The following NEK7 variants were observed in gnomAD, a reference collection of about 807,000 sequenced individuals.
NEK7 encodes serine/threonine-protein kinase Nek7.
A neutral mutation model predicts 44.6 loss-of-function variants in NEK7; 18 were observed. The ratio of observed to expected loss-of-function variants is 0.40; its 90% CI spans 0.28 to 0.60. The LOEUF (loss-of-function observed/expected upper bound fraction) is 0.60. Among genes scored for constraint, NEK7 ranks in the 20% least tolerant of loss-of-function variants. NEK7 has a pLI of 0.38. For synonymous variants in NEK7, 130 were observed against 121.1 expected (o/e 1.07, Z -0.48); for missense variants, 256 against 366.5 (o/e 0.70, Z 2.46).
At chr1:198,291,916 AGTCTTGTT>A (rs1654569967) in intron 7 of NEK7, among the ~76,000 whole-genome samples, 2 of 152,074 alleles carry the variant, frequency 1.3e-5, no homozygotes, top group Non-Finnish European at 2.9e-5. Flanking sequence ...ACCCCTATTC[AGTCTTGTT>A]AGTCTTATTT....
chr1:198,226,706 G>A (rs114118969), intron 1 of NEK7, among the ~76,000 whole-genome samples: 3,780 of 150,276 alleles, frequency 0.025, 71 homozygotes, highest in African/African-American at 0.048. Flanking sequence ...ATATTGGGGT[G>A]CCTCAGGGCT....
intron 5 of NEK7, among the ~76,000 whole-genome samples, chr1:198,271,777 A>G (rs999607695): frequency 5.9e-5 from 9 of 151,730 alleles, no homozygotes; most frequent in Admixed American, 2.0e-4. Flanking sequence ...TTTGTATGAG[A>G]TCATCACCTG....
At chr1:198,294,487 A>G (rs1307748353) in intron 8 of NEK7, among the ~76,000 whole-genome samples, 1 of 152,128 alleles carries the variant, frequency 6.6e-6, no homozygotes, top group Non-Finnish European at 1.5e-5. Context: ...ATTCTCTTCA[A>G]ATCCCTAAAA....
intron 9 of NEK7, among the ~76,000 whole-genome samples, chr1:198,316,253 ATT>A (rs1655365074): frequency 6.6e-6 from 1 of 152,210 alleles, no homozygotes; most frequent in East Asian, 1.9e-4. Context: ...GTGTGCTTAC[ATT>A]TCTGATGTGA....
chr1:198,273,199 A>T (rs1056172336), intron 5 of NEK7, among the ~76,000 whole-genome samples: 1 of 151,802 alleles, frequency 6.6e-6, no homozygotes, highest in African/African-American at 2.4e-5. Context: ...AAGTATTCTC[A>T]GTGATCTCAT....
intron 1 of NEK7, among the ~76,000 whole-genome samples, chr1:198,158,974 A>C (rs1664006843): frequency 6.6e-6 from 1 of 152,066 alleles, no homozygotes; most frequent in Non-Finnish European, 1.5e-5. Flanking sequence ...AGGCCTGCGA[A>C]ATAAAAAGGC....
intron 1 of NEK7, among the ~76,000 whole-genome samples, chr1:198,226,481 G>A (rs1331934806): frequency 1.3e-5 from 2 of 151,082 alleles, no homozygotes; most frequent in South Asian, 2.1e-4. Context: ...GGAGGCAGAG[G>A]TTGCAGTGAG....
chr1:198,243,851 G>A (rs540862220), intron 2 of NEK7, among the ~76,000 whole-genome samples: 4 of 152,056 alleles, frequency 2.6e-5, no homozygotes, highest in East Asian at 3.9e-4. Context: ...TTTCAAATAG[G>A]AAGAAACACG....
intron 9 of NEK7, among the ~76,000 whole-genome samples, chr1:198,311,968 G>A (rs575073175): frequency 1.0e-3 from 152 of 152,254 alleles, no homozygotes; most frequent in African/African-American, 3.1e-3. Flanking sequence ...GAGTTAGGGA[G>A]GATTCTCTCT....
At chr1:198,290,175 G>A (rs1232189001) in intron 7 of NEK7, among the ~76,000 whole-genome samples, 7 of 152,158 alleles carry the variant, frequency 4.6e-5, no homozygotes, top group Non-Finnish European at 1.0e-4. Context: ...TGAAAGATAA[G>A]TGGAATTACA....
chr1:198,253,030 T>G lies in NEK7; in HGVS notation c.58-10T>G, dbSNP rs1653126469. Reference sequence around the variant, plus strand: ...GTGATTGAAAATTTTTCTGACATTTTTAATTACAGAAGGCCTTACGACCGG... The same window carrying G: ...GTGATTGAAAATTTTTCTGACATTTGTAATTACAGAAGGCCTTACGACCGG... On this transcript the variant is annotated splice_polypyrimidine_tract_variant and intron_variant, in intron 2 of 9. Transcript: ENST00000367385. 1.3e-6 allele frequency: 2 copies of G among 1,594,924 alleles called. No homozygotes were observed. Among genetic ancestry groups the G allele is most frequent in the Non-Finnish European group, 1.7e-6 (2 of 1,171,524 alleles).
intron 1 of NEK7, among the ~76,000 whole-genome samples, chr1:198,200,187 C>A (rs2102789801): frequency 6.6e-6 from 1 of 152,220 alleles, no homozygotes; most frequent in East Asian, 1.9e-4. Flanking sequence ...TTATAGATTT[C>A]AGATTTCTGA....
intron 3 of NEK7, among the ~76,000 whole-genome samples, chr1:198,257,211 T>C (rs1653297054): frequency 6.6e-6 from 1 of 152,230 alleles, no homozygotes; most frequent in African/African-American, 2.4e-5. Flanking sequence ...CATAAAGTGA[T>C]AATATTGTTC....
At chr1:198,193,930 C>T (rs1212330827) in intron 1 of NEK7, among the ~76,000 whole-genome samples, 1 of 152,184 alleles carries the variant, frequency 6.6e-6, no homozygotes, top group Non-Finnish European at 1.5e-5. Context: ...CCCTCTCTCA[C>T]CACTCCTATT....
chr1:198,213,979 TA>T (rs1207444221), intron 1 of NEK7, among the ~76,000 whole-genome samples: 1 of 152,162 alleles, frequency 6.6e-6, no homozygotes, highest in African/African-American at 2.4e-5. Context: ...AGACCTCTGC[TA>T]TTCTGGCCCC....
intron 9 of NEK7, among the ~76,000 whole-genome samples, chr1:198,312,837 C>CT (rs1316412018): frequency 6.6e-6 from 1 of 151,936 alleles, no homozygotes; most frequent in Non-Finnish European, 1.5e-5. Context: ...TTTACATTTG[C>CT]TGAGGAGAGC....
intron 8 of NEK7, among the ~76,000 whole-genome samples, chr1:198,293,336 A>G (rs538511909): frequency 2.0e-5 from 3 of 152,010 alleles, no homozygotes; most frequent in Admixed American, 6.5e-5. Flanking sequence ...ATACGTTTGA[A>G]CATCTGTAAA....
chr1:198,314,688 G>T (rs1027266720), intron 9 of NEK7, among the ~76,000 whole-genome samples: 24 of 152,056 alleles, frequency 1.6e-4, no homozygotes, highest in South Asian at 8.3e-4. Context: ...TTGAGTACCC[G>T]GCCGTGTGAG....
chr1:198,296,340 A>G (rs1001025232), intron 8 of NEK7, among the ~76,000 whole-genome samples: 1 of 152,194 alleles, frequency 6.6e-6, no homozygotes, highest in South Asian at 2.1e-4. Context: ...TTTTAAATTG[A>G]ATTTTTAGTT....
Sources: allele counts gnomAD v4.1 joint callset (sites outside exome capture counted in the v4.1 genomes callset), GRCh38; gene constraint gnomAD v4.1.1; transcripts MANE v1.5; gene names NCBI Gene and HGNC (gene_info 2026-07-23, HGNC 2026-07-21).